SLCO2B1: variants seen among roughly 807,000 people sequenced by gnomAD.
SLCO2B1 encodes solute carrier organic anion transporter family member 2B1.
SLCO2B1 carries 41 observed loss-of-function variants against 67.3 expected under a neutral mutation model. That is an observed-to-expected ratio of 0.61 (90% CI 0.47 to 0.79). The LOEUF (loss-of-function observed/expected upper bound fraction) is 0.79. Among genes scored for constraint, SLCO2B1 ranks in the 30% least tolerant of loss-of-function variants. SLCO2B1 has a pLI of 0.00. For missense variants in SLCO2B1, 837 were observed against 920.1 expected (o/e 0.91, Z 1.17); for synonymous variants, 379 against 381.4 (o/e 0.99, Z 0.07).
chr11:75,190,712 T>G (rs988502563), intron 8 of SLCO2B1, among the ~76,000 whole-genome samples: 96 of 152,176 alleles, frequency 6.3e-4, no homozygotes, highest in African/African-American at 2.3e-3. Flanking sequence ...AGCCCCTACC[T>G]AATTGGAAGA....
chr11:75,157,789 T>G (rs942728197), intron 1 of SLCO2B1, among the ~76,000 whole-genome samples: 2 of 152,110 alleles, frequency 1.3e-5, no homozygotes, highest in Admixed American at 1.3e-4. Flanking sequence ...GCATACAAAT[T>G]TATTTGGCTT....
At chr11:75,155,211 C>T (rs975073682) in intron 1 of SLCO2B1, among the ~76,000 whole-genome samples, 4 of 152,094 alleles carry the variant, frequency 2.6e-5, no homozygotes, top group African/African-American at 9.7e-5. Context: ...TCCCAGCAGA[C>T]CACCCAAGGT....
intron 1 of SLCO2B1, chr11:75,157,131 C>T (rs1949755511): frequency 6.6e-6 from 1 of 152,210 alleles, no homozygotes; most frequent in Admixed American, 6.5e-5. Context: ...AATCTCAATT[C>T]AATGGTTTTG....
intron 8 of SLCO2B1, among the ~76,000 whole-genome samples, chr11:75,192,573 T>A (rs1945038231): frequency 6.6e-6 from 1 of 151,566 alleles, no homozygotes; most frequent in South Asian, 2.1e-4. Context: ...GGGAGAGGAA[T>A]GAATACGTAG....
At chr11:75,156,046 C>A (rs1302852156) in intron 1 of SLCO2B1, among the ~76,000 whole-genome samples, 1 of 152,074 alleles carries the variant, frequency 6.6e-6, no homozygotes, top group East Asian at 1.9e-4. Flanking sequence ...CCACAGTATA[C>A]CAGGCATAGG....
rs1332809890 is a variant in SLCO2B1 at position 75,204,944 on chromosome 11, C to A, written c.*364C>A. 4 of 166,260 alleles carry A rather than the reference C, an allele frequency of 2.4e-5. No individual in the cohort carries two copies. The South Asian group carries it at 5.6e-4, about 23-fold the overall frequency. The allele number at this position is 166,260 out of a possible 1,614,324, so 10.3% of individuals were successfully genotyped here. Reference sequence around the variant, plus strand: ...GGCCAGGCTGCCCTCCATGCTGGGCCCCAGCCCAGGTCTGCACTCGCCTGG... The same window carrying A: ...GGCCAGGCTGCCCTCCATGCTGGGCACCAGCCCAGGTCTGCACTCGCCTGG... On this transcript the variant is annotated 3_prime_UTR_variant, in exon 14 of 14. Transcript: ENST00000289575.
chr11:75,174,011 A>G (rs948977272), intron 7 of SLCO2B1, among the ~76,000 whole-genome samples: 1 of 152,108 alleles, frequency 6.6e-6, no homozygotes, highest in African/African-American at 2.4e-5. Flanking sequence ...CATGTTGGCC[A>G]GGCTGGTCTC....
At chr11:75,192,744 C>T (rs964828523) in intron 8 of SLCO2B1, among the ~76,000 whole-genome samples, 2 of 152,076 alleles carry the variant, frequency 1.3e-5, no homozygotes, top group Non-Finnish European at 2.9e-5. Flanking sequence ...AACAGAATTT[C>T]AAAAATGAAC....
intron 9 of SLCO2B1, 44 bp from the exon 10 acceptor site, chr11:75,196,470 G>T: frequency 6.3e-7 from 1 of 1,591,562 alleles, no homozygotes; most frequent in South Asian, 1.1e-5. Flanking sequence ...AGTGGCCTAA[G>T]GGAGGGAAGC....
chr11:75,178,469 T>C (rs1234468108), intron 7 of SLCO2B1, among the ~76,000 whole-genome samples: 1 of 152,272 alleles, frequency 6.6e-6, no homozygotes, highest in African/African-American at 2.4e-5. Flanking sequence ...TTTTCCTTTT[T>C]ACATGTTTTT....
At chr11:75,194,705 G>A (rs1945076417) in intron 9 of SLCO2B1, among the ~76,000 whole-genome samples, 2 of 152,192 alleles carry the variant, frequency 1.3e-5, no homozygotes, top group South Asian at 4.1e-4. Flanking sequence ...TCTGAGGAGG[G>A]AGCCAGGTCC....
Position 75,162,989 on chromosome 11 carries a change from C to T in SLCO2B1, c.147+204C>T, listed in dbSNP as rs1014472773. On this transcript the variant is annotated intron_variant, in intron 2 of 13. Transcript: ENST00000289575. ...GGAAGGTGGCCAGTACATGTTCGCT[C>T]CTCCCAGAGAGGAAAGGGGTGTTCT... 5.6e-6 allele frequency: 3 copies of T among 532,830 alleles called. No individual in the cohort carries two copies. The African/African-American group carries it at 5.8e-5, about 10-fold the overall frequency. The allele number at this position is 532,830 out of a possible 1,614,324, so 33.0% of individuals were successfully genotyped here.
At chr11:75,196,787 C>T (rs1241964579) in intron 10 of SLCO2B1, 108 bp downstream of exon 10, 6 of 1,016,598 alleles carry the variant, frequency 5.9e-6, no homozygotes, top group Middle Eastern at 5.4e-4. Flanking sequence ...CTGTAGCTCT[C>T]GTCTCTCTGT....
chr11:75,151,323 G>C lies in SLCO2B1; in HGVS notation c.-59G>C. Reference sequence around the variant, plus strand: ...TGAGAAGATTTGCTTCCTCTCCCCTGCTAAGCTCCAGGTCCTGAGATTAAA... The same window carrying C: ...TGAGAAGATTTGCTTCCTCTCCCCTCCTAAGCTCCAGGTCCTGAGATTAAA... On this transcript the variant is annotated 5_prime_UTR_variant, in exon 1 of 14. Coordinates refer to ENST00000289575, the MANE Select transcript of SLCO2B1 (RefSeq NM_007256.5). 1.3e-6 allele frequency: 2 copies of C among 1,565,244 alleles called. No homozygotes were observed. Among genetic ancestry groups the C allele is most frequent in the Non-Finnish European group, 1.8e-6 (2 of 1,141,544 alleles).
intron 1 of SLCO2B1, among the ~76,000 whole-genome samples, chr11:75,156,651 T>C (rs777353706): frequency 1.3e-5 from 2 of 151,942 alleles, no homozygotes; most frequent in Non-Finnish European, 2.9e-5. Flanking sequence ...AAGAATTCAG[T>C]GTGAGTCTGT....
At chr11:75,179,546 T>C (rs1565541731) in intron 7 of SLCO2B1, among the ~76,000 whole-genome samples, 1 of 152,036 alleles carries the variant, frequency 6.6e-6, no homozygotes, top group African/African-American at 2.4e-5. Context: ...TGAGATATTT[T>C]GAATTGGCAT....
At position 75,204,851 on chromosome 11, in the gene SLCO2B1, A is replaced by G. The variant is rs1347926466; in HGVS notation, c.*271A>G. On this transcript the variant is annotated 3_prime_UTR_variant, in exon 14 of 14. Transcript: ENST00000289575. Reference sequence around the variant, plus strand: ...CCAGCCAGCCAGCTGTCCTGGGGCCAGGCTTTCCTGGGTGGAAAGAAGTAT... The same window carrying G: ...CCAGCCAGCCAGCTGTCCTGGGGCCGGGCTTTCCTGGGTGGAAAGAAGTAT... The G allele has an allele frequency of 3.5e-5, 10 of 287,094 alleles. No individual in the cohort carries two copies. The highest frequency in any genetic ancestry group is 3.1e-4 in the Admixed American group (6 of 19,118). The allele number at this position is 287,094 out of a possible 1,614,324, so 17.8% of individuals were successfully genotyped here. A position where few individuals can be genotyped will look rare whatever the true frequency, so the allele number is the denominator to read the frequency against.
At chr11:75,159,969 G>A in intron 1 of SLCO2B1, 1 of 591,260 alleles carries the variant, frequency 1.7e-6, no homozygotes, top group Non-Finnish European at 2.1e-6. Context: ...TAGACAGGCT[G>A]GGGCACAGCA....
At chr11:75,188,023 T>C in intron 7 of SLCO2B1, 113 bp from the exon 8 acceptor site, 1 of 659,692 alleles carries the variant, frequency 1.5e-6, no homozygotes, top group Non-Finnish European at 2.7e-6. Context: ...CCTGAAGAGA[T>C]GACAGGGCTC....
Sources: gnomAD v4.1 joint callset for allele counts (sites outside exome capture counted in the v4.1 genomes callset) on GRCh38, gnomAD v4.1.1 for gene constraint, MANE v1.5 for transcripts, NCBI Gene and HGNC (gene_info 2026-07-23, HGNC 2026-07-21) for gene names.